The following FARP2 variants were observed in gnomAD, a reference collection of about 807,000 sequenced individuals.
FARP2 encodes FERM, ARHGEF and pleckstrin domain-containing protein 2.
FARP2 carries 111 observed loss-of-function variants against 130.5 expected under a neutral mutation model. The observed-to-expected ratio is 0.85, with a 90% CI of 0.73 to 1.00. FARP2 has a LOEUF of 1.00. Ranked by LOEUF, FARP2 falls within the 50% of genes least tolerant of loss-of-function variation. The pLI is 0.00. For missense variants in FARP2, 1,385 were observed against 1,346.3 expected (o/e 1.03, Z -0.45); for synonymous variants, 504 against 516.9 (o/e 0.98, Z 0.34).
At chr2:241,465,965 C>G in intron 17 of FARP2, 7 of 1,409,330 alleles carry the variant, frequency 5.0e-6, no homozygotes, top group Non-Finnish European at 6.5e-6. Context: ...TGAGAAAGTT[C>G]TACTTATCCC....
At chr2:241,464,423 A>G (rs2064113835) in intron 17 of FARP2, among the ~76,000 whole-genome samples, 2 of 146,536 alleles carry the variant, frequency 1.4e-5, no homozygotes, top group African/African-American at 5.1e-5. Flanking sequence ...TCAGAACAGC[A>G]TCCCCTCAGA....
chr2:241,418,088 C>G lies in FARP2; in HGVS notation c.750C>G (p.His250Gln), dbSNP rs780746645. The G allele has an allele frequency of 2.5e-6, 4 of 1,614,172 alleles. No homozygotes were observed. The highest frequency in any genetic ancestry group is 2.2e-5 in the South Asian group (2 of 91,082). ...CCAAGATTCAACTGGCAGTTTCCCA[C>G]ATGGGTGTACTCGTGTTCCAGGTAG... ...EGTKIQLAVSHMGVLVFQGTT... is the reference protein window; with the variant it reads ...EGTKIQLAVSQMGVLVFQGTT... Residue 250 changes from histidine (H) to glutamine (Q), a missense_variant, in exon 8 of 27, where the codon CAC becomes CAG. By Grantham distance (24) the His-to-Gln change is conservative (BLOSUM62 0). Transcript: ENST00000264042.
At position 241,441,482 on chromosome 2, in the gene FARP2, G is replaced by A. The variant is rs749980874; in HGVS notation, c.1337G>A (p.Ser446Asn). Residue 446 changes from serine to asparagine, a missense_variant, in exon 13 of 27, where the codon AGT becomes AAT. Transcript: ENST00000264042. ...AAGAGTCCAGCTGCAGAGAGGCGCAGTGGAGCAGTGGCTGGAGGCCCCGAC... is the reference window on the plus strand; with the variant it reads ...AAGAGTCCAGCTGCAGAGAGGCGCAATGGAGCAGTGGCTGGAGGCCCCGAC... Reference protein sequence around the residue: ...YVKSPAAERRSGAVAGGPDTP... With the variant: ...YVKSPAAERRNGAVAGGPDTP... 4 of 1,614,194 alleles carry A rather than the reference G, an allele frequency of 2.5e-6. No individual in the cohort carries two copies. In the African/African-American group the frequency reaches 4.0e-5, roughly 16 times the overall value.
intron 20 of FARP2, chr2:241,483,856 G>A (rs1161099363): frequency 4.1e-6 from 4 of 985,328 alleles, no homozygotes; most frequent in Non-Finnish European, 4.8e-6. Flanking sequence ...GCTACTGATG[G>A]CCCAATGGCC....
At chr2:241,472,548 C>G (rs546059794) in intron 18 of FARP2, among the ~76,000 whole-genome samples, 2 of 149,522 alleles carry the variant, frequency 1.3e-5, no homozygotes, top group Non-Finnish European at 3.0e-5. Context: ...CTGTGAGGAC[C>G]CTGTTCTGTG....
chr2:241,381,175 C>G (rs1454310311), intron 2 of FARP2, among the ~76,000 whole-genome samples: 1 of 152,138 alleles, frequency 6.6e-6, no homozygotes, highest in Admixed American at 6.5e-5. Context: ...GCTGTGGGCC[C>G]TGTACCTGGC....
intron 23 of FARP2, 140 bp from the exon 24 acceptor site, chr2:241,491,376 T>C: frequency 2.1e-6 from 2 of 964,340 alleles, no homozygotes; most frequent in Non-Finnish European, 3.1e-6. Context: ...ACCTGTAGTT[T>C]TGCTCTCAGC....
intron 2 of FARP2, among the ~76,000 whole-genome samples, chr2:241,399,326 G>A (rs909832506): frequency 7.2e-5 from 11 of 152,096 alleles, no homozygotes; most frequent in African/African-American, 2.4e-4. Context: ...TTGTTTTTGA[G>A]ACGGAGTCTA....
chr2:241,375,243 G>A (rs1417021209), intron 2 of FARP2, among the ~76,000 whole-genome samples: 2 of 152,012 alleles, frequency 1.3e-5, no homozygotes, highest in Non-Finnish European at 2.9e-5. Context: ...GAGCCACCGC[G>A]CCCAGCCCCA....
At chr2:241,466,285 G>C (rs942008382) in intron 17 of FARP2, 6 of 985,434 alleles carry the variant, frequency 6.1e-6, no homozygotes, top group African/African-American at 3.5e-5. Context: ...GTGAGTCCCG[G>C]AGTAGTGCTT....
intron 17 of FARP2, chr2:241,465,835 C>A: frequency 6.5e-7 from 1 of 1,537,564 alleles, no homozygotes; most frequent in South Asian, 1.2e-5. Flanking sequence ...CTCCTCACAC[C>A]TAGAGTTCCC....
chr2:241,494,211 G>GGAA lies in FARP2; in HGVS notation c.*88_*90dup. On this transcript the variant is annotated 3_prime_UTR_variant, in exon 27 of 27. Transcript: ENST00000264042. The surrounding 1 kb of genome is among the most constrained non-coding windows in gnomAD (Gnocchi z 4.9). Reference sequence around the variant, plus strand: ...CTGTCCTGAGGCTTCTCAACAGATGGGAAGTGGCTGTGGTCTCACTGGATC... The same window carrying GGAA: ...CTGTCCTGAGGCTTCTCAACAGATGGGAAGAAGTGGCTGTGGTCTCACTGGATC... The GGAA allele has an allele frequency of 5.1e-6, 4 of 785,728 alleles. No homozygotes were observed. The South Asian group carries it at 1.2e-4, about 24-fold the overall frequency. 48.7% of individuals were successfully genotyped at this position (785,728 alleles called of 1,614,324 possible).
intron 2 of FARP2, among the ~76,000 whole-genome samples, chr2:241,394,194 G>A (rs1388409852): frequency 6.6e-6 from 1 of 152,196 alleles, no homozygotes; most frequent in African/African-American, 2.4e-5. Context: ...CAGAAGGTAT[G>A]TTTTAAGTCG....
intron 8 of FARP2, among the ~76,000 whole-genome samples, chr2:241,428,787 T>C (rs920005219): frequency 1.3e-5 from 2 of 152,172 alleles, no homozygotes; most frequent in African/African-American, 2.4e-5. Context: ...TCATACTCTT[T>C]AGCAGTTACT....
At chr2:241,456,682 G>A (rs908384475) in intron 13 of FARP2, 65 bp from the exon 14 acceptor site, 36 of 1,550,786 alleles carry the variant, frequency 2.3e-5, no homozygotes, top group Non-Finnish European at 2.8e-5. Context: ...AGTAGTAGCG[G>A]CTCTAAGCCA....
chr2:241,404,015 C>T (rs957521694), intron 3 of FARP2, 83 bp downstream of exon 3: 1 of 737,742 alleles, frequency 1.4e-6, no homozygotes, highest in East Asian at 2.5e-5. Flanking sequence ...ATTGCCACAT[C>T]ATCAGCATTA....
rs1177513990 is a variant in FARP2, at chr2:241,491,532, A to G, written c.2640A>G (p.Val880=). The change falls in exon 24 of 27, where the codon GTA becomes GTG. Residue 880 remains valine (V), a synonymous_variant. Coordinates refer to ENST00000264042, the MANE Select transcript of FARP2 (RefSeq NM_014808.4). ...TCTCCCCAGGATCCCCCAACGAGGT[A>G]TCTCTGGAGCAGGAGTCAGAAGATG... ...CTRPPRSPNE[V]SLEQESEDDA... is the part of the protein sequence containing the mutation. 6.2e-7 allele frequency: 1 copy of G among 1,613,532 alleles called. No individual in the cohort carries two copies. The highest frequency in any genetic ancestry group is 1.7e-5 in the Admixed American group (1 of 60,012).
At chr2:241,456,370 T>G (rs1003906891) in intron 13 of FARP2, 15 of 167,076 alleles carry the variant, frequency 9.0e-5, no homozygotes, top group Non-Finnish European at 1.4e-4. Context: ...TAGAAAGTGT[T>G]CCCCCGTCCT....
intron 1 of FARP2, among the ~76,000 whole-genome samples, chr2:241,365,048 C>G (rs2061274277): frequency 6.6e-6 from 1 of 152,182 alleles, no homozygotes; most frequent in Non-Finnish European, 1.5e-5. Context: ...AAAGTAGAGA[C>G]TGGGCCAGGA....
Sources: gnomAD v4.1 joint callset for allele counts (sites outside exome capture counted in the v4.1 genomes callset) on GRCh38, gnomAD v4.1.1 for gene constraint, Gnocchi (gnomAD v3.1) non-coding constraint, MANE v1.5 for transcripts, NCBI Gene and HGNC (gene_info 2026-07-23, HGNC 2026-07-21) for gene names.